The following FOXN3 variants were observed in gnomAD, a reference collection of about 807,000 sequenced individuals.
FOXN3 encodes the protein forkhead box protein N3.
In FOXN3, 7 loss-of-function variants were observed where a neutral mutation model predicts 38.4. That is an observed-to-expected ratio of 0.18 (90% confidence interval 0.10 to 0.34). The LOEUF (loss-of-function observed/expected upper bound fraction) is 0.34, where lower values mean the gene tolerates loss of function less well. FOXN3 is among the 10% of genes least tolerant of loss of function. The pLI, the probability that FOXN3 is intolerant of heterozygous loss-of-function variation, is 1.00. For missense variants in FOXN3, 456 were observed against 613.4 expected, an observed-to-expected ratio of 0.74 and a Z score of 2.71; for synonymous variants, 230 against 242.2, an observed-to-expected ratio of 0.95 and a Z score of 0.47.
At chr14:89,567,716 C>G (rs1037785451) in intron 1 of FOXN3, among the ~76,000 whole-genome samples, 13 of 129,448 alleles carry the variant, frequency 1.0e-4, no homozygotes, top group Non-Finnish European at 1.4e-4. Context: ...AAACAAATCT[C>G]GTTGATTTTT....
chr14:89,471,249 T>C (rs1202754842), intron 1 of FOXN3, among the ~76,000 whole-genome samples: 1 of 152,152 alleles, frequency 6.6e-6, no homozygotes, highest in Admixed American at 6.5e-5. Context: ...GAAAGGACAG[T>C]GCTGAAGAGC....
chr14:89,232,715 T>G (rs1372525098), intron 4 of FOXN3, among the ~76,000 whole-genome samples: 2 of 152,208 alleles, frequency 1.3e-5, no homozygotes, highest in Non-Finnish European at 2.9e-5. Context: ...AGGGTGATAG[T>G]TTGTTAAAGT....
intron 4 of FOXN3, among the ~76,000 whole-genome samples, chr14:89,254,718 G>A (rs1025091046): frequency 1.3e-5 from 2 of 152,068 alleles, no homozygotes; most frequent in African/African-American, 4.8e-5. Context: ...TGCCTGGTGG[G>A]GTGGGATCAC....
chr14:89,175,576 A>T (rs561294776), intron 5 of FOXN3, among the ~76,000 whole-genome samples: 1 of 152,322 alleles, frequency 6.6e-6, no homozygotes, highest in South Asian at 2.1e-4. Flanking sequence ...CTGTGTGTGA[A>T]TCCAAATAAC....
chr14:89,607,529 A>G (rs1422255241), intron 1 of FOXN3, among the ~76,000 whole-genome samples: 4 of 151,172 alleles, frequency 2.6e-5, no homozygotes, highest in African/African-American at 9.7e-5. Flanking sequence ...ACTGCACTCC[A>G]GCCTAGACGA....
At chr14:89,383,482 G>A (rs12588090) in intron 2 of FOXN3, among the ~76,000 whole-genome samples, 14,092 of 152,250 alleles carry the variant, frequency 0.093, 873 homozygotes, top group East Asian at 0.33. Context: ...CACAAACTTG[G>A]TGGCTTAAAT....
At chr14:89,267,864 C>A (rs1426357413) in intron 4 of FOXN3, among the ~76,000 whole-genome samples, 1 of 152,026 alleles carries the variant, frequency 6.6e-6, no homozygotes, top group East Asian at 1.9e-4. Context: ...CTATATAAGG[C>A]CATCTAACTA....
intron 2 of FOXN3, among the ~76,000 whole-genome samples, chr14:89,409,982 C>T (rs1323126497): frequency 6.6e-6 from 1 of 152,050 alleles, no homozygotes; most frequent in African/African-American, 2.4e-5. Flanking sequence ...GAACCAGAAA[C>T]TTATGAATAT....
chr14:89,185,450 CT>C (rs1181516376), intron 4 of FOXN3: 1 of 152,210 alleles, frequency 6.6e-6, no homozygotes, highest in Non-Finnish European at 1.5e-5. Context: ...ACCAGCAAAT[CT>C]ACTCTTTCCC....
intron 4 of FOXN3, among the ~76,000 whole-genome samples, chr14:89,253,163 C>A (rs1191154302): frequency 6.6e-6 from 1 of 152,146 alleles, no homozygotes; most frequent in Non-Finnish European, 1.5e-5. Context: ...TCATTAAGGC[C>A]TGATGCGAAA....
chr14:89,349,082 T>TG (rs1888868494), intron 3 of FOXN3, among the ~76,000 whole-genome samples: 1 of 150,116 alleles, frequency 6.7e-6, no homozygotes, highest in South Asian at 2.1e-4. Flanking sequence ...AGTCGGGGGG[T>TG]GGGGGTAGAA....
intron 2 of FOXN3, among the ~76,000 whole-genome samples, chr14:89,398,346 C>T (rs1566640327): frequency 6.6e-6 from 1 of 152,168 alleles, no homozygotes; most frequent in Non-Finnish European, 1.5e-5. Flanking sequence ...ATTAGGACAA[C>T]TTGTATTGGA....
Position 89,481,517 on chromosome 14 carries a change from GGGGCC to G in FOXN3, c.-14-69032_-14-69028del, listed in dbSNP as rs1390040316. ...ATTCCAGGGCCACTGTCAGGGAAGTGGGGCCCCATGAGGTCAAGGGTGCAATACTC... is the reference window on the plus strand; with the variant it reads ...ATTCCAGGGCCACTGTCAGGGAAGTGCCATGAGGTCAAGGGTGCAATACTC... On this transcript the variant is annotated intron_variant, in intron 1 of 6. Coordinates refer to the FOXN3 transcript ENST00000345097. 2.6e-5 allele frequency among the ~76,000 whole-genome samples: 4 copies of G among 152,206 alleles called. No homozygotes were observed. In the East Asian group the frequency reaches 5.8e-4, roughly 22 times the overall value.
intron 1 of FOXN3, among the ~76,000 whole-genome samples, chr14:89,578,132 A>G (rs1895672450): frequency 6.6e-6 from 1 of 152,234 alleles, no homozygotes; most frequent in Non-Finnish European, 1.5e-5. Flanking sequence ...TGCTGGGATG[A>G]AAGGTAATAT....
At chr14:89,363,101 C>G (rs55682815) in intron 2 of FOXN3, among the ~76,000 whole-genome samples, 26,678 of 152,058 alleles carry the variant, frequency 0.18, 2,568 homozygotes, top group South Asian at 0.39. Flanking sequence ...GAGATGAGCC[C>G]TGGGGGAGGA....
rs115444615 is a variant in FOXN3 at position 89,283,425 on chromosome 14, T to C, written c.681-2411A>G. On this transcript the variant is annotated intron_variant, in intron 3 of 5. Coordinates refer to ENST00000557258, the MANE Select transcript of FOXN3 (RefSeq NM_005197.4). ...TTGGGAAGGCAACAAGCTTGATTTTTTCCCCCCTCCATCTGGAGATGTCCC... is the reference window on the plus strand; with the variant it reads ...TTGGGAAGGCAACAAGCTTGATTTTCTCCCCCCTCCATCTGGAGATGTCCC... Among the ~76,000 whole-genome samples the C allele has an allele frequency of 4.5e-3, 691 of 152,340 alleles. 3 individuals are homozygous for C. Among genetic ancestry groups the C allele is most frequent in the African/African-American group, 0.016 (656 of 41,584 alleles).
At chr14:89,545,753 G>A (rs971453213) in intron 1 of FOXN3, among the ~76,000 whole-genome samples, 1 of 152,152 alleles carries the variant, frequency 6.6e-6, no homozygotes, top group Non-Finnish European at 1.5e-5. Context: ...TCAGGAGCTT[G>A]TGAAGGTAAC....
intron 3 of FOXN3, among the ~76,000 whole-genome samples, chr14:89,324,080 A>G (rs1371133551): frequency 6.6e-6 from 1 of 152,184 alleles, no homozygotes; most frequent in Non-Finnish European, 1.5e-5. Flanking sequence ...CCACCATGTG[A>G]TGTCTGTGAG....
chr14:89,618,833 G>T (rs1442697982), intron 1 of FOXN3, among the ~76,000 whole-genome samples: 1 of 150,030 alleles, frequency 6.7e-6, no homozygotes, highest in Non-Finnish European at 1.5e-5. Flanking sequence ...TAAGCAACTT[G>T]CCATGGCTGG....
Sources: allele counts gnomAD v4.1 joint callset (sites outside exome capture counted in the v4.1 genomes callset), GRCh38; gene constraint gnomAD v4.1.1; transcripts MANE v1.5; gene names NCBI Gene and HGNC (gene_info 2026-07-23, HGNC 2026-07-21).